Variants in ENAH observed in about 807,000 individuals in gnomAD.
ENAH encodes protein enabled homolog.
Under a neutral mutation model 78.7 loss-of-function variants are expected in ENAH, and 23 were observed. The ratio of observed to expected loss-of-function variants is 0.29; its 90% confidence interval spans 0.21 to 0.41. The LOEUF is 0.41. Among genes scored for constraint, ENAH ranks in the 10% least tolerant of loss-of-function variants. The pLI is 1.00. For missense variants in ENAH, 544 were observed against 691.0 expected (o/e 0.79, Z 2.39); for synonymous variants, 226 against 241.0 (o/e 0.94, Z 0.58).
At chr1:225,551,774 A>G (rs766565589) in intron 3 of ENAH, among the ~76,000 whole-genome samples, 2 of 152,256 alleles carry the variant, frequency 1.3e-5, no homozygotes, top group African/African-American at 2.4e-5. Context: ...TGTTTTAACA[A>G]GTGGTAAAAC....
intron 2 of ENAH, among the ~76,000 whole-genome samples, chr1:225,561,552 T>G (rs946080610): frequency 6.8e-6 from 1 of 147,892 alleles, no homozygotes; most frequent in Admixed American, 6.8e-5. Flanking sequence ...AACCAGGGAG[T>G]TGAAGGTTGC....
chr1:225,541,206 G>A (rs1024080864), intron 3 of ENAH, among the ~76,000 whole-genome samples: 5 of 152,140 alleles, frequency 3.3e-5, no homozygotes, highest in Non-Finnish European at 5.9e-5. Flanking sequence ...AGGCCAAGGC[G>A]TGCGGATCAC....
chr1:225,648,342 C>T (rs1490933906), intron 1 of ENAH, among the ~76,000 whole-genome samples: 3 of 152,122 alleles, frequency 2.0e-5, no homozygotes, highest in Non-Finnish European at 2.9e-5. Context: ...AGATATTTTA[C>T]AAGTTATACA....
chr1:225,501,142 A>G, intron 11 of ENAH, 72 bp from the exon 12 acceptor site: 1 of 1,165,888 alleles, frequency 8.6e-7, no homozygotes, highest in Non-Finnish European at 1.2e-6. Context: ...ATAATTGCAA[A>G]TTTACCAACC....
intron 1 of ENAH, among the ~76,000 whole-genome samples, chr1:225,634,047 T>C (rs1659603523): frequency 6.6e-6 from 1 of 152,250 alleles, no homozygotes; most frequent in Non-Finnish European, 1.5e-5. Context: ...ATTTTTTCCA[T>C]TTCACTTACG....
intron 1 of ENAH, among the ~76,000 whole-genome samples, chr1:225,586,949 G>A (rs377308273): frequency 5.9e-5 from 9 of 151,600 alleles, no homozygotes; most frequent in Non-Finnish European, 8.8e-5. Context: ...AAAAAGAGGT[G>A]GGGGTGGGGT....
chr1:225,501,803 T>G (rs1011367093), intron 11 of ENAH, among the ~76,000 whole-genome samples: 1 of 152,214 alleles, frequency 6.6e-6, no homozygotes, highest in African/African-American at 2.4e-5. Flanking sequence ...ATTATTGCAC[T>G]TTCAAAAGTT....
Position 225,514,939 on chromosome 1 carries a change from G to C in ENAH, c.914-39C>G, listed in dbSNP as rs768213325. On this transcript the variant is annotated intron_variant, in intron 6 of 13. Coordinates refer to ENST00000366843, the MANE Select transcript of ENAH (RefSeq NM_018212.6). The stretch of plus-strand genomic sequence containing the variant: ...ATGTTAAGTAAGACCATCAACAATA[G>C]AGCTGAGTGATATTATTTTATGTGG... 2.0e-6 allele frequency: 3 copies of C among 1,507,334 alleles called. No individual in the cohort carries two copies. In the African/African-American group the frequency reaches 4.2e-5, roughly 21 times the overall value. The allele number at this position is 1,507,334 out of a possible 1,614,324, so 93.4% of individuals were successfully genotyped here.
At chr1:225,649,672 C>G (rs971201293) in intron 1 of ENAH, among the ~76,000 whole-genome samples, 2 of 152,092 alleles carry the variant, frequency 1.3e-5, no homozygotes, top group African/African-American at 4.8e-5. Context: ...CATCTTTAAG[C>G]AAAATATTAA....
At chr1:225,524,049 A>T (rs1305982668) in intron 4 of ENAH, among the ~76,000 whole-genome samples, 1 of 152,128 alleles carries the variant, frequency 6.6e-6, no homozygotes, top group Admixed American at 6.6e-5. Flanking sequence ...GAGAATATAA[A>T]TTTTTTTCAG....
At chr1:225,518,033 AAGG>A in intron 5 of ENAH, 2 of 1,490,662 alleles carry the variant, frequency 1.3e-6, no homozygotes, top group Non-Finnish European at 8.9e-7. Context: ...CAGGATAAAA[AAGG>A]AGAGAGAAAA....
chr1:225,512,116 CGA>C (rs1357161840), intron 9 of ENAH, among the ~76,000 whole-genome samples: 1 of 152,128 alleles, frequency 6.6e-6, no homozygotes, highest in Non-Finnish European at 1.5e-5. Context: ...AAGCCAGACA[CGA>C]GAGACAGATT....
At chr1:225,514,401 G>A (rs1192644468) in intron 7 of ENAH, among the ~76,000 whole-genome samples, 195 bp downstream of exon 7, 1 of 151,968 alleles carries the variant, frequency 6.6e-6, no homozygotes, top group African/African-American at 2.4e-5. Context: ...CTGACCTCAG[G>A]TGATCCGCCC....
intron 10 of ENAH, among the ~76,000 whole-genome samples, chr1:225,511,118 G>C (rs2096373803): frequency 6.6e-6 from 1 of 152,084 alleles, no homozygotes; most frequent in South Asian, 2.1e-4. Context: ...CTCTATAATG[G>C]TTTCTTATGG....
At chr1:225,532,429 T>C (rs2096542376) in intron 3 of ENAH, among the ~76,000 whole-genome samples, 1 of 152,108 alleles carries the variant, frequency 6.6e-6, no homozygotes, top group Non-Finnish European at 1.5e-5. Context: ...ATGAAACAGC[T>C]GAATGTGAGT....
intron 2 of ENAH, among the ~76,000 whole-genome samples, chr1:225,558,696 C>T (rs566699681): frequency 5.2e-4 from 70 of 135,426 alleles, no homozygotes; most frequent in African/African-American, 1.9e-3. Context: ...TGCAGTGGCG[C>T]GATCTCGGCT....
At chr1:225,591,737 C>CCTG in intron 1 of ENAH, among the ~76,000 whole-genome samples, 1 of 137,668 alleles carries the variant, frequency 7.3e-6, no homozygotes. Flanking sequence ...TGCACTCCAG[C>CCTG]CTGGGCGACA....
chr1:225,633,758 A>C (rs1162307679), intron 1 of ENAH, among the ~76,000 whole-genome samples: 1 of 152,234 alleles, frequency 6.6e-6, no homozygotes, highest in Non-Finnish European at 1.5e-5. Flanking sequence ...AATATTATTT[A>C]TCAAAGTTAT....
intron 1 of ENAH, among the ~76,000 whole-genome samples, chr1:225,587,930 T>C (rs755605261): frequency 5.3e-4 from 80 of 151,986 alleles, no homozygotes; most frequent in Admixed American, 2.3e-3. Context: ...TGGATATGCA[T>C]GCAGAAAAAA....
Sources: gnomAD v4.1 joint callset for allele counts (sites outside exome capture counted in the v4.1 genomes callset) on GRCh38, gnomAD v4.1.1 for gene constraint, MANE v1.5 for transcripts, NCBI Gene and HGNC (gene_info 2026-07-23, HGNC 2026-07-21) for gene names.